The following TEP1 variants were observed in gnomAD, a reference collection of about 807,000 sequenced individuals.
TEP1 encodes the protein telomerase protein component 1.
TEP1 carries 241 observed loss-of-function variants against 306.3 expected under a neutral mutation model. The ratio of observed to expected loss-of-function variants is 0.79; its 90% CI spans 0.71 to 0.88. The LOEUF (loss-of-function observed/expected upper bound fraction) is 0.88, where lower values mean the gene tolerates loss of function less well. TEP1 is among the 40% of genes least tolerant of loss of function. The pLI, the probability that TEP1 is intolerant of heterozygous loss-of-function variation, is 0.00. For synonymous variants in TEP1, 1,289 were observed against 1,305.5 expected (o/e 0.99, Z 0.27); for missense variants, 3,051 against 3,276.1 (o/e 0.93, Z 1.68).
intron 9 of TEP1, among the ~76,000 whole-genome samples, chr14:20,400,380 G>A (rs1212535202): frequency 1.3e-5 from 2 of 150,868 alleles, no homozygotes; most frequent in African/African-American, 4.9e-5. Context: ...GAGGCCATGA[G>A]TTTGAGACCA....
chr14:20,374,343 TG>T, intron 44 of TEP1, 85 bp downstream of exon 44: 1 of 839,614 alleles, frequency 1.2e-6, no homozygotes, highest in Non-Finnish European at 1.8e-6. Flanking sequence ...ATTTTGCCTC[TG>T]GGATTAGATA....
chr14:20,389,815 G>A, intron 15 of TEP1, 75 bp from the exon 16 acceptor site: 1 of 1,570,054 alleles, frequency 6.4e-7, no homozygotes, highest in Non-Finnish European at 8.7e-7. Flanking sequence ...TGAGCTTTCT[G>A]AGGACAGGAG....
At chr14:20,403,314 C>A (rs376299827) in intron 7 of TEP1, 63 bp downstream of exon 7, 370 of 1,572,590 alleles carry the variant, frequency 2.4e-4, no homozygotes, top group Non-Finnish European at 3.1e-4. Flanking sequence ...GAATTTTGTT[C>A]GTAAATATTA....
chr14:20,374,362 C>G (rs757182106), intron 44 of TEP1, 67 bp downstream of exon 44: 2 of 1,105,068 alleles, frequency 1.8e-6, no homozygotes, highest in Non-Finnish European at 2.6e-6. Context: ...ATACTCCATG[C>G]ACCGTCTCCC....
chr14:20,404,879 C>T (rs1281871247), intron 4 of TEP1, 107 bp from the exon 5 acceptor site: 2 of 1,318,384 alleles, frequency 1.5e-6, no homozygotes, highest in Non-Finnish European at 2.0e-6. Context: ...TTTCCTGAGC[C>T]CTCCACGTTG....
At chr14:20,400,944 G>A in intron 9 of TEP1, 40 bp downstream of exon 9, 1 of 1,599,170 alleles carries the variant, frequency 6.3e-7, no homozygotes, top group Non-Finnish European at 8.5e-7. Context: ...GCATAAATGG[G>A]GAAGAGAAGG....
chr14:20,395,850 G>A lies in TEP1; in HGVS notation c.1750+9C>T, dbSNP rs763944131. The A allele has an allele frequency of 6.2e-7, 1 of 1,612,322 alleles. No homozygotes were observed. Among genetic ancestry groups the A allele is most frequent in the African/African-American group, 1.3e-5 (1 of 74,846 alleles). ...AGGCAAAGAGGAGTTGGAAGAAAGGGGAGAATACCTTGATTTCTGAGTTGA... is the reference window on the plus strand; with the variant it reads ...AGGCAAAGAGGAGTTGGAAGAAAGGAGAGAATACCTTGATTTCTGAGTTGA... On this transcript the variant is annotated intron_variant, in intron 11 of 54. Transcript: ENST00000262715.
chr14:20,383,643 T>C lies in TEP1; in HGVS notation c.3712A>G (p.Ser1238Gly), dbSNP rs77737638. Residue 1238 changes from serine to glycine, a missense_variant and splice_region_variant, in exon 26 of 55, where the codon AGC (serine) becomes GGC (glycine). Transcript: ENST00000262715. ...EPGALPSTYRSLVWELQQRLL... is the reference protein window; with the variant it reads ...EPGALPSTYRGLVWELQQRLL... ...CTCTGCTGCAGCTCCCACACCAGGC[T>C]TCTGTACATGGAGAGGAAGTCAGGG... The C allele has an allele frequency of 2.9e-5, 47 of 1,613,138 alleles. No homozygotes were observed. The East Asian group carries it at 1.0e-3, about 34-fold the overall frequency.
intron 21 of TEP1, 27 bp from the exon 22 acceptor site, chr14:20,384,740 G>C (rs767077979): frequency 6.2e-7 from 1 of 1,600,684 alleles, no homozygotes; most frequent in Non-Finnish European, 8.5e-7. Flanking sequence ...CCAAAAGTTG[G>C]AATAGACTCA....
rs1878142608 is a variant in TEP1, at chr14:20,395,696, TG to T, written c.1751-70del. ...CCCTCATCTTTTCCTACCAGTAATGTGACCTGAGCCCCAACCCTTGGGGCTG... is the reference window on the plus strand; with the variant it reads ...CCCTCATCTTTTCCTACCAGTAATGTACCTGAGCCCCAACCCTTGGGGCTG... On this transcript the variant is annotated intron_variant, in intron 11 of 54. Transcript: ENST00000262715. 2.6e-6 allele frequency: 4 copies of T among 1,552,786 alleles called. No individual in the cohort carries two copies. In the African/African-American group the frequency reaches 5.4e-5, roughly 21 times the overall value.
rs1205822781 is a variant in TEP1, at chr14:20,389,316, G to A, written c.2466-19C>T. 6.8e-6 allele frequency: 11 copies of A among 1,613,764 alleles called. No homozygotes were observed. In the Admixed American group the frequency reaches 1.7e-4, roughly 24 times the overall value. ...TGTTGACCTGGCAAAGGAAGAAGCA[G>A]TCATTAACCATCACAAACAATACCT... On this transcript the variant is annotated intron_variant, in intron 16 of 54. Transcript: ENST00000262715.
At chr14:20,383,435 T>C in intron 26 of TEP1, 53 bp downstream of exon 26, 1 of 1,612,492 alleles carries the variant, frequency 6.2e-7, no homozygotes, top group South Asian at 1.1e-5. Flanking sequence ...CCGTGCCGTA[T>C]CCCTCCTTCT....
chr14:20,405,099 C>A (rs887418434), intron 4 of TEP1, among the ~76,000 whole-genome samples: 5 of 152,188 alleles, frequency 3.3e-5, no homozygotes, highest in African/African-American at 1.2e-4. Context: ...CTGCCATTTT[C>A]CAAAGCATCA....
chr14:20,386,342 G>A (rs969213008), intron 19 of TEP1, 105 bp downstream of exon 19: 25 of 1,575,048 alleles, frequency 1.6e-5, no homozygotes, highest in African/African-American at 6.8e-5. Context: ...AGCGACTCCC[G>A]CCTTCACCCT....
intron 9 of TEP1, chr14:20,400,782 A>G (rs371948563): frequency 4.9e-6 from 3 of 607,080 alleles, no homozygotes; most frequent in Non-Finnish European, 2.8e-6. Flanking sequence ...ATCTGGTATA[A>G]TGATCTATGA....
chr14:20,396,644 T>A lies in TEP1; in HGVS notation c.1636A>T (p.Ile546Phe), dbSNP rs1442373223. The change falls in exon 10 of 55, where the codon ATT becomes TTT. Residue 546 changes from isoleucine to phenylalanine, a missense_variant. Physicochemically the swap from Ile to Phe is conservative, Grantham distance 21 (BLOSUM62 0). This residue lies in a region of TEP1 where 1,507 missense variants were observed against 1,550.5 expected (regional missense o/e 0.97). Transcript: ENST00000262715. ...VGISSRHHEL[I>F]LQRLQHAKSV... The stretch of plus-strand genomic sequence containing the variant: ...ACCGCATGCTGGAGTCTCTGGAGAA[T>A]GAGCTCATGGTGGCGGGAACTGATT... 1 of 1,610,252 alleles carries A rather than the reference T, an allele frequency of 6.2e-7. No homozygotes were observed.
rs1232767413 is a variant in TEP1 at position 20,408,236 on chromosome 14, CA to C, written c.203del (p.Val68GlyfsTer21). ...AGGAGAGGATGTCTGGGTGGGCAGA[CA>C]CATATCCATGTGGTTTTTCCATGGT... is the stretch of plus-strand genomic sequence containing the variant. Reference protein sequence around the residue: ...LKTMEKPHGYVSAHPDILSLE... With the variant: ...LKTMEKPHGYXSAHPDILSLE... On this transcript the variant is annotated frameshift_variant, in exon 2 of 55. Transcript: ENST00000262715. LOFTEE classifies it high-confidence loss of function. 1.9e-6 allele frequency: 3 copies of C among 1,613,010 alleles called. No individual in the cohort carries two copies. Among genetic ancestry groups the C allele is most frequent in the Non-Finnish European group, 2.5e-6 (3 of 1,179,440 alleles).
intron 27 of TEP1, 119 bp from the exon 28 acceptor site, chr14:20,382,834 G>A (rs1229444150): frequency 2.3e-6 from 2 of 882,124 alleles, no homozygotes; most frequent in Non-Finnish European, 3.6e-6. Flanking sequence ...GCAGACGCCA[G>A]GTCCATGGCA....
At position 20,380,376 on chromosome 14, in the gene TEP1, G is replaced by A. The variant is rs766303079; in HGVS notation, c.4862C>T (p.Pro1621Leu). 1.4e-5 allele frequency: 23 copies of A among 1,614,116 alleles called. No homozygotes were observed. Among genetic ancestry groups the A allele is most frequent in the Non-Finnish European group, 1.9e-5 (22 of 1,180,050 alleles). Residue 1621 changes from proline (P) to leucine (L), a missense_variant, in exon 34 of 55, where the codon CCC (proline) becomes CTC (leucine). Around this residue, in one of 3 missense-constraint regions of TEP1, gnomAD observed 1,540 missense variants for 1,705.9 expected, o/e 0.90. Transcript: ENST00000262715. ...GGCTGCCTGCTGGGGCAGGAGCCGG[G>A]GGTACTGGCTGAGGATTGAAGCCTG... ...RQQASILSQY[P>L]RLLPQQAANQ...
Sources: gnomAD v4.1 joint callset for allele counts (sites outside exome capture counted in the v4.1 genomes callset) on GRCh38, gnomAD v4.1.1 for gene constraint, gnomAD v4.1.1 regional missense constraint, MANE v1.5 for transcripts, NCBI Gene and HGNC (gene_info 2026-07-23, HGNC 2026-07-21) for gene names.